Variants in RGS16 observed in about 807,000 individuals in gnomAD.
RGS16 encodes regulator of G protein signaling 16.
RGS16 carries 12 observed loss-of-function variants against 18.1 expected under a neutral mutation model. That is an observed-to-expected ratio of 0.66 (90% confidence interval 0.42 to 1.07). The LOEUF (loss-of-function observed/expected upper bound fraction) is 1.07, where lower values mean the gene tolerates loss of function less well. Ranked by LOEUF, RGS16 falls within the 50% of genes least tolerant of loss-of-function variation. RGS16 has a pLI of 0.00. For missense variants in RGS16, 238 were observed against 249.2 expected, an observed-to-expected ratio of 0.95 and a Z score of 0.30; for synonymous variants, 88 against 102.0, an observed-to-expected ratio of 0.86 and a Z score of 0.83.
chr1:182,600,558 GGGCAT>G (rs1329150295), intron 4 of RGS16, 45 bp from the exon 5 acceptor site: 27 of 1,565,154 alleles, frequency 1.7e-5, no homozygotes, highest in Non-Finnish European at 2.3e-5. Flanking sequence ...GGAAGAGGGT[GGGCAT>G]GGCTGAGGGA....
rs1417107323 is a variant in RGS16, at chr1:182,604,200, G to T, written c.44+16C>A. On this transcript the variant is annotated intron_variant, in intron 1 of 4. Coordinates refer to ENST00000367558, the MANE Select transcript of RGS16 (RefSeq NM_002928.4). ...TGGTGGGACTTCCCCCAAGCAGTTG[G>T]ACAACCTCCCCTTACCTCTCCAGGC... The T allele has an allele frequency of 1.9e-6, 3 of 1,551,648 alleles. No homozygotes were observed. Among genetic ancestry groups the T allele is most frequent in the African/African-American group, 1.4e-5 (1 of 73,184 alleles).
chr1:182,601,491 T>G (rs1571278572), intron 4 of RGS16, among the ~76,000 whole-genome samples: 3 of 152,204 alleles, frequency 2.0e-5, no homozygotes, highest in Admixed American at 2.0e-4. Context: ...AGTAAGGCAT[T>G]ACTCTTATCT....
intron 4 of RGS16, 22 bp from the exon 5 acceptor site, chr1:182,600,535 C>G: frequency 1.2e-6 from 2 of 1,607,472 alleles, no homozygotes; most frequent in African/African-American, 1.3e-5. Context: ...AGGACACACA[C>G]AGGGTGAGTT....
rs1661896980 is a variant in RGS16, at chr1:182,603,254, A to T, written c.130T>A (p.Trp44Arg). The change falls in exon 2 of 5, where the codon TGG becomes AGG. Residue 44 changes from tryptophan to arginine, a missense_variant. Trp to Arg is a moderately radical substitution (Grantham distance 101). Coordinates refer to ENST00000367558, the MANE Select transcript of RGS16 (RefSeq NM_002928.4). Reference sequence around the variant, plus strand: ...TTCTCTTTGCTGTGTTTACTGCCCCACTCGAACTTGCCAGTACTCCCAGTA... The same window carrying T: ...TTCTCTTTGCTGTGTTTACTGCCCCTCTCGAACTTGCCAGTACTCCCAGTA... ...CDTGSTGKFEWGSKHSKENRN... is the reference protein window; with the variant it reads ...CDTGSTGKFERGSKHSKENRN... 9 of 1,613,744 alleles carry T rather than the reference A, an allele frequency of 5.6e-6. No individual in the cohort carries two copies. The highest frequency in any genetic ancestry group is 7.6e-6 in the Non-Finnish European group (9 of 1,179,710).
At chr1:182,602,153 A>G in intron 3 of RGS16, 21 bp from the exon 4 acceptor site, 1 of 1,613,136 alleles carries the variant, frequency 6.2e-7, no homozygotes, top group Non-Finnish European at 8.5e-7. Flanking sequence ...GGGAAAGAAG[A>G]GGAAATAGGT....
chr1:182,600,055 C>T lies in RGS16; in HGVS notation c.*237G>A. 1.8e-6 allele frequency: 1 copy of T among 564,974 alleles called. No individual in the cohort carries two copies. Among genetic ancestry groups the T allele is most frequent in the East Asian group, 3.1e-5 (1 of 32,786 alleles). The allele number at this position is 564,974 out of a possible 1,614,324, so 35.0% of individuals were successfully genotyped here. On this transcript the variant is annotated 3_prime_UTR_variant, in exon 5 of 5. Coordinates refer to ENST00000367558, the MANE Select transcript of RGS16 (RefSeq NM_002928.4). ...GAGCCCCACCAACCCTCATCATTAG[C>T]CCTTATTCACAGGTCCTGGAAGTGG...
intron 2 of RGS16, 53 bp downstream of exon 2, chr1:182,603,176 T>G: frequency 7.6e-7 from 1 of 1,310,248 alleles, no homozygotes; most frequent in Non-Finnish European, 1.1e-6. Context: ...TCCTCATGAC[T>G]CCCTTCCCAC....
chr1:182,602,237 A>G, intron 3 of RGS16, 105 bp from the exon 4 acceptor site: 1 of 1,336,190 alleles, frequency 7.5e-7, no homozygotes, highest in South Asian at 1.3e-5. Flanking sequence ...TTTAGAACAT[A>G]ATTTTCTTGA....
intron 2 of RGS16, among the ~76,000 whole-genome samples, chr1:182,602,967 C>T (rs959874412): frequency 6.6e-6 from 1 of 152,160 alleles, no homozygotes; most frequent in African/African-American, 2.4e-5. Flanking sequence ...CAATGAATCC[C>T]GAGGTGGGAG....
chr1:182,602,191 G>T, intron 3 of RGS16, 59 bp from the exon 4 acceptor site: 1 of 1,568,934 alleles, frequency 6.4e-7, no homozygotes, highest in Non-Finnish European at 8.7e-7. Flanking sequence ...GGGAATACAA[G>T]AAGAAAGGAA....
At chr1:182,602,813 A>C (rs1049706525) in intron 2 of RGS16, among the ~76,000 whole-genome samples, 4 of 151,980 alleles carry the variant, frequency 2.6e-5, no homozygotes, top group Non-Finnish European at 5.9e-5. Context: ...CAAGGAAATA[A>C]GGTCCTCATA....
In RGS16 at chr1:182,600,428, T is replaced by C; in HGVS notation, c.473A>G (p.Lys158Arg). 1 of 1,614,050 alleles carries C rather than the reference T, an allele frequency of 6.2e-7. No homozygotes were observed. The highest frequency in any genetic ancestry group is 1.1e-5 in the South Asian group (1 of 91,072). The change falls in exon 5 of 5, where the codon AAG (lysine) becomes AGG (arginine). Residue 158 changes from lysine (K) to arginine (R), a missense_variant. Coordinates refer to ENST00000367558, the MANE Select transcript of RGS16 (RefSeq NM_002928.4). Reference sequence around the variant, plus strand: ...GTCCTTCTCCATCAGGGTACGTGTCTTCCCCTGAGCCGCATCAAAGCATGT... The same window carrying C: ...GTCCTTCTCCATCAGGGTACGTGTCCTCCCCTGAGCCGCATCAAAGCATGT... ...TATCFDAAQGKTRTLMEKDSY... is the reference protein window; with the variant it reads ...TATCFDAAQGRTRTLMEKDSY...
chr1:182,603,980 C>CA (rs1388679812), intron 1 of RGS16, among the ~76,000 whole-genome samples: 1 of 152,200 alleles, frequency 6.6e-6, no homozygotes, highest in Non-Finnish European at 1.5e-5. Context: ...GTCACCTGAG[C>CA]ACGACTGCAG....
Position 182,600,256 on chromosome 1 carries a change from TC to T in RGS16, c.*35del, listed in dbSNP as rs1297049316. 3.5e-6 allele frequency: 5 copies of T among 1,446,200 alleles called. No individual in the cohort carries two copies. The highest frequency in any genetic ancestry group is 4.6e-6 in the Non-Finnish European group (5 of 1,077,198). 89.6% of individuals were successfully genotyped at this position (1,446,200 alleles called of 1,614,324 possible). A position where few individuals can be genotyped will look rare whatever the true frequency, so the allele number is the denominator to read the frequency against. ...CACCTCGGGGATGGGTGACTCAACC[TC>T]TCTTCCCGGCTGGCTTCCTCACTGC... is the stretch of plus-strand genomic sequence containing the variant. On this transcript the variant is annotated 3_prime_UTR_variant, in exon 5 of 5. Coordinates refer to ENST00000367558, the MANE Select transcript of RGS16 (RefSeq NM_002928.4).
chr1:182,603,375 C>G, intron 1 of RGS16, 36 bp from the exon 2 acceptor site: 1 of 1,560,472 alleles, frequency 6.4e-7, no homozygotes, highest in Non-Finnish European at 8.8e-7. Flanking sequence ...AGCATTCTCT[C>G]ATTTGCTCAG....
intron 4 of RGS16, 147 bp downstream of exon 4, chr1:182,601,819 C>G: frequency 1.1e-6 from 1 of 944,008 alleles, no homozygotes; most frequent in Non-Finnish European, 1.6e-6. Context: ...CTTTCCTAGT[C>G]TCTGGTCACA....
rs116302980 is a variant in RGS16 at position 182,601,242 on chromosome 1, T to C, written c.387+724A>G. On this transcript the variant is annotated intron_variant, in intron 4 of 4. Coordinates refer to ENST00000367558, the MANE Select transcript of RGS16 (RefSeq NM_002928.4). ...CCCTACCTCTGGTACTCCCTGTCTC[T>C]CATTTCCTGCTGTATTTTTATGAGT... Among the ~76,000 whole-genome samples, 271 of 152,352 alleles carry C rather than the reference T, an allele frequency of 1.8e-3. 2 individuals carry two copies. The highest frequency in any genetic ancestry group is 1.9e-3 in the Non-Finnish European group (131 of 68,026).
Position 182,600,156 on chromosome 1 carries a change from ATTTTTTT to A in RGS16, c.*129_*135del, listed in dbSNP as rs970909010. The A allele has an allele frequency of 2.2e-4, 72 of 329,784 alleles. No homozygotes were observed. Among genetic ancestry groups the A allele is most frequent in the Non-Finnish European group, 2.8e-4 (53 of 189,708 alleles). The allele number at this position is 329,784 out of a possible 1,614,324, so 20.4% of individuals were successfully genotyped here. On this transcript the variant is annotated 3_prime_UTR_variant, in exon 5 of 5. Transcript: ENST00000367558. Reference sequence around the variant, plus strand: ...CTTCCCAAACAGGCTGCTGGAGCGCATTTTTTTTTTTTTTTTTTTTTTTTTTGTCCTC... The same window carrying A: ...CTTCCCAAACAGGCTGCTGGAGCGCATTTTTTTTTTTTTTTTTTTGTCCTC...
rs1386405298 is a variant in RGS16, at chr1:182,600,296, G to A, written c.605C>T (p.Thr202Ile). 3.1e-6 allele frequency: 5 copies of A among 1,613,356 alleles called. No individual in the cohort carries two copies. In the East Asian group the frequency reaches 1.1e-4, roughly 36 times the overall value. The change falls in exon 5 of 5, where the codon ACC becomes ATC. Residue 202 changes from threonine to isoleucine, a missense_variant. Physicochemically the swap from Thr to Ile is moderately conservative, Grantham distance 89. Transcript: ENST00000367558. ...SSCSLDEPSH[T>I] ...CTTCCTCACTGCCGTGGAGACTCAG[G>A]TGTGTGAGGGCTCGTCCAGGCTGCA...
Sources: allele counts gnomAD v4.1 joint callset (sites outside exome capture counted in the v4.1 genomes callset), GRCh38; gene constraint gnomAD v4.1.1; transcripts MANE v1.5; gene names NCBI Gene and HGNC (gene_info 2026-07-23, HGNC 2026-07-21).